The following JRK variants were observed in gnomAD, a reference collection of about 807,000 sequenced individuals.
JRK encodes Jrk helix-turn-helix protein.
For missense variants in JRK, 720 were observed against 509.2 expected, an observed-to-expected ratio of 1.41 and a Z score of -3.98; for synonymous variants, 303 against 218.1, an observed-to-expected ratio of 1.39 and a Z score of -3.43.
chr8:142,651,817 A>C, the JRK span, among the ~76,000 whole-genome samples: 1 of 152,326 alleles, frequency 6.6e-6, no homozygotes, highest in South Asian at 2.1e-4. Flanking sequence ...GACAAACCTC[A>C]ATTCAGTTAC....
At chr8:142,669,270 T>A (rs1221562900) in intron 1 of JRK, among the ~76,000 whole-genome samples, 1 of 141,514 alleles carries the variant, frequency 7.1e-6, no homozygotes, top group African/African-American at 2.7e-5. Flanking sequence ...ATTCTGGAGC[T>A]GGGGGAAGAG....
Position 142,659,578 on chromosome 8 carries a change from T to C in JRK, c.*4774A>G. ...GCCTTGAGCAGGGAGGCCATCGTGC[T>C]GCCTAAGAGACCAGGACCCAGCAGG... On this transcript the variant is annotated 3_prime_UTR_variant, in exon 2 of 2. Transcript: ENST00000612905. 1.0e-6 allele frequency: 1 copy of C among 985,558 alleles called. No homozygotes were observed. The highest frequency in any genetic ancestry group is 1.2e-6 in the Non-Finnish European group (1 of 830,026). 61.1% of individuals were successfully genotyped at this position (985,558 alleles called of 1,614,324 possible).
chr8:142,665,164 C>A lies in JRK; in HGVS notation c.895G>T (p.Asp299Tyr). The change falls in exon 2 of 2, where the codon GAC becomes TAC. Residue 299 changes from aspartate to tyrosine, a missense_variant. Physicochemically the swap from Asp to Tyr is radical, Grantham distance 160. Transcript: ENST00000612905. ...TCCTGCGGGTGAGCCCGGGAGCTGT[C>A]CAGCAAGAGAACGGCTTTGCTGTCT... ...PEDSKAVLLLDSSRAHPQEAE... is the reference protein window; with the variant it reads ...PEDSKAVLLLYSSRAHPQEAE... The A allele has an allele frequency of 1.4e-6, 1 of 717,894 alleles. No homozygotes were observed. The highest frequency in any genetic ancestry group is 2.0e-5 in the Admixed American group (1 of 50,022). The allele number at this position is 717,894 out of a possible 1,614,324, so 44.5% of individuals were successfully genotyped here.
rs782287936 is a variant in JRK, at chr8:142,664,439, C to A, written c.1620G>T (p.Lys540Asn). The part of the protein sequence containing the change: ...RRRGALGAVV[K>N]VEALQEGPGG... The stretch of plus-strand genomic sequence containing the variant: ...CAGGGCCCTCCTGGAGGGCTTCAAC[C>A]TTGACCACAGCCCCGAGGGCACCAC... Residue 540 changes from lysine (K) to asparagine (N), a missense_variant, in exon 2 of 2, where the codon AAG becomes AAT. Physicochemically the swap from Lys to Asn is moderately conservative, Grantham distance 94 (BLOSUM62 0). Coordinates refer to ENST00000612905, the MANE Select transcript of JRK (RefSeq NM_003724.4). 6.2e-7 allele frequency: 1 copy of A among 1,611,278 alleles called. No homozygotes were observed. The highest frequency in any genetic ancestry group is 8.5e-7 in the Non-Finnish European group (1 of 1,178,630).
At chr8:142,666,672 G>T (rs1847137730) in intron 1 of JRK, among the ~76,000 whole-genome samples, 152 bp from the exon 2 acceptor site, 1 of 152,206 alleles carries the variant, frequency 6.6e-6, no homozygotes, top group African/African-American at 2.4e-5. Flanking sequence ...GTGGGGAGAG[G>T]GTGGCCCCGG....
chr8:142,646,968 T>A, the JRK span, among the ~76,000 whole-genome samples: 1 of 152,202 alleles, frequency 6.6e-6, no homozygotes, highest in East Asian at 1.9e-4. Flanking sequence ...TAAGTCTGCA[T>A]ATTGAAGGAA....
chr8:142,658,748 TC>T lies in JRK; in HGVS notation c.*5603del. The T allele has an allele frequency of 6.7e-7, 1 of 1,502,508 alleles. No homozygotes were observed. The highest frequency in any genetic ancestry group is 8.9e-7 in the Non-Finnish European group (1 of 1,121,964). 93.1% of individuals were successfully genotyped at this position (1,502,508 alleles called of 1,614,324 possible). A position where few individuals can be genotyped will look rare whatever the true frequency, so the allele number is the denominator to read the frequency against. On this transcript the variant is annotated 3_prime_UTR_variant, in exon 2 of 2. Coordinates refer to ENST00000612905, the MANE Select transcript of JRK (RefSeq NM_003724.4). ...AAACATGCAGTCCTTAACACCATCG[TC>T]ATGGAGATGGAGGCCACAGACCTAC...
chr8:142,659,983 A>G lies in JRK; in HGVS notation c.*4369T>C. On this transcript the variant is annotated 3_prime_UTR_variant, in exon 2 of 2. Coordinates refer to ENST00000612905, the MANE Select transcript of JRK (RefSeq NM_003724.4). ...TGTGTAGAAGCAGAGGCCAGAGCTGACACCACATGGGCAAAGGAGTGGGCG... is the reference window on the plus strand; with the variant it reads ...TGTGTAGAAGCAGAGGCCAGAGCTGGCACCACATGGGCAAAGGAGTGGGCG... 1.0e-6 allele frequency: 1 copy of G among 985,670 alleles called. No individual in the cohort carries two copies. The highest frequency in any genetic ancestry group is 1.2e-6 in the Non-Finnish European group (1 of 830,028). The allele number at this position is 985,670 out of a possible 1,614,324, so 61.1% of individuals were successfully genotyped here.
rs782311271 is a variant in JRK at position 142,665,870 on chromosome 8, G to A, written c.189C>T (p.Leu63=). 5.1e-6 allele frequency: 4 copies of A among 781,952 alleles called. No homozygotes were observed. The African/African-American group carries it at 6.8e-5, about 13-fold the overall frequency. The allele number at this position is 781,952 out of a possible 1,614,324, so 48.4% of individuals were successfully genotyped here. The change falls in exon 2 of 2, where the codon CTC becomes CTT. Residue 63 remains leucine, a synonymous_variant. Coordinates refer to ENST00000612905, the MANE Select transcript of JRK (RefSeq NM_003724.4). ...TGGAGTCGGAGCTGGCGAAGAACCG[G>A]AGCAGCTGCGCCTTGTGGGCCCTGA... ...YDIRAHKAQL[L]RFFASSDSNK...
Position 142,663,531 on chromosome 8 carries a change from G to A in JRK, c.*821C>T, listed in dbSNP as rs782461861. 141 of 985,340 alleles carry A rather than the reference G, an allele frequency of 1.4e-4. No individual in the cohort carries two copies. The highest frequency in any genetic ancestry group is 1.7e-4 in the Non-Finnish European group (137 of 829,938). 61.0% of individuals were successfully genotyped at this position (985,340 alleles called of 1,614,324 possible). ...TAAAGGCCATAAGTATGAAATTCTGGGCAACATGGTACATTGGACTCTGAG... is the reference window on the plus strand; with the variant it reads ...TAAAGGCCATAAGTATGAAATTCTGAGCAACATGGTACATTGGACTCTGAG... On this transcript the variant is annotated 3_prime_UTR_variant, in exon 2 of 2. Coordinates refer to ENST00000612905, the MANE Select transcript of JRK (RefSeq NM_003724.4).
rs782466375 is a variant in JRK, at chr8:142,665,838, G to A, written c.221C>T (p.Ala74Val). The A allele has an allele frequency of 1.7e-5, 13 of 779,322 alleles. No individual in the cohort carries two copies. Among genetic ancestry groups the A allele is most frequent in the Admixed American group, 3.4e-5 (2 of 58,866 alleles). The allele number at this position is 779,322 out of a possible 1,614,324, so 48.3% of individuals were successfully genotyped here. A position where few individuals can be genotyped will look rare whatever the true frequency, so the allele number is the denominator to read the frequency against. Residue 74 changes from alanine (A) to valine (V), a missense_variant, in exon 2 of 2, where the codon GCG becomes GTG. Physicochemically the swap from Ala to Val is moderately conservative, Grantham distance 64. Transcript: ENST00000612905. Reference sequence around the variant, plus strand: ...GTGCAGCGTGCGCCGCTGCTCCAGCGCCTTGTTGGAGTCGGAGCTGGCGAA... The same window carrying A: ...GTGCAGCGTGCGCCGCTGCTCCAGCACCTTGTTGGAGTCGGAGCTGGCGAA... ...RFFASSDSNK[A>V]LEQRRTLHTP...
chr8:142,656,411 T>C (rs587768085), downstream of JRK, among the ~76,000 whole-genome samples: 1 of 152,222 alleles, frequency 6.6e-6, no homozygotes, highest in East Asian at 1.9e-4. Context: ...GCAAAGCTCT[T>C]TGTTGTTTTC....
the JRK span, among the ~76,000 whole-genome samples, chr8:142,651,164 G>C: frequency 1.3e-5 from 2 of 152,002 alleles, no homozygotes; most frequent in African/African-American, 4.8e-5. Flanking sequence ...GGTTCTAAGA[G>C]AGGAAAAAAA....
the JRK span, among the ~76,000 whole-genome samples, chr8:142,648,527 T>C: frequency 6.6e-6 from 1 of 152,242 alleles, no homozygotes; most frequent in Non-Finnish European, 1.5e-5. Flanking sequence ...GTCCCAAGCC[T>C]TGGCAGTTTC....
At chr8:142,654,162 G>A (rs1846709830), downstream of JRK, among the ~76,000 whole-genome samples, 2 of 152,144 alleles carry the variant, frequency 1.3e-5, no homozygotes, top group Non-Finnish European at 2.9e-5. Context: ...GCAGCAGGAA[G>A]GACACTGTTC....
the JRK span, among the ~76,000 whole-genome samples, chr8:142,646,776 A>G: frequency 6.6e-6 from 1 of 152,206 alleles, no homozygotes. Flanking sequence ...AGTTAATCAG[A>G]GCTCTTTTAT....
intron 1 of JRK, among the ~76,000 whole-genome samples, chr8:142,669,231 G>A (rs1741978749): frequency 6.7e-6 from 1 of 150,196 alleles, no homozygotes. Flanking sequence ...TGGAGGATAT[G>A]AAGGAGAAAT....
chr8:142,663,614 C>T lies in JRK; in HGVS notation c.*738G>A, dbSNP rs1846987004. The T allele has an allele frequency of 1.0e-6, 1 of 985,444 alleles. No homozygotes were observed. Among genetic ancestry groups the T allele is most frequent in the South Asian group, 4.7e-5 (1 of 21,290 alleles). 61.0% of individuals were successfully genotyped at this position (985,444 alleles called of 1,614,324 possible). A position where few individuals can be genotyped will look rare whatever the true frequency, so the allele number is the denominator to read the frequency against. ...TCCTCTATCCGGGTGATGAGCAGGG[C>T]CTGGTCAGCCACTCCTACTTTCTTC... is the stretch of plus-strand genomic sequence containing the variant. On this transcript the variant is annotated 3_prime_UTR_variant, in exon 2 of 2. Coordinates refer to ENST00000612905, the MANE Select transcript of JRK (RefSeq NM_003724.4).
chr8:142,668,044 G>T lies in JRK; in HGVS notation c.-462-1524C>A, dbSNP rs1847187274. On this transcript the variant is annotated intron_variant, in intron 1 of 1. Transcript: ENST00000612905. Reference sequence around the variant, plus strand: ...TGCCCAAACACCGGGCAGCTCAGCTGGCCGCCTCAGTGTGGCGTGCGTGCT... The same window carrying T: ...TGCCCAAACACCGGGCAGCTCAGCTTGCCGCCTCAGTGTGGCGTGCGTGCT... Among the ~76,000 whole-genome samples, 5 of 152,218 alleles carry T rather than the reference G, an allele frequency of 3.3e-5. No homozygotes were observed. The South Asian group carries it at 1.0e-3, about 32-fold the overall frequency.
Sources: allele counts gnomAD v4.1 joint callset (sites outside exome capture counted in the v4.1 genomes callset), GRCh38; gene constraint gnomAD v4.1.1; transcripts MANE v1.5; gene names NCBI Gene and HGNC (gene_info 2026-07-23, HGNC 2026-07-21).